GLIS3: variants seen among roughly 807,000 people sequenced by gnomAD.
GLIS3 encodes the protein zinc finger protein GLIS3.
GLIS3 carries 53 observed loss-of-function variants against 78.6 expected under a neutral mutation model. That is an observed-to-expected ratio of 0.67 (90% CI 0.54 to 0.85). GLIS3 has a LOEUF of 0.85. Ranked by LOEUF, GLIS3 falls within the 40% of genes least tolerant of loss-of-function variation. GLIS3 has a pLI of 0.00. For missense variants in GLIS3, 1,703 were observed against 1,231.1 expected (o/e 1.38, Z -5.74); for synonymous variants, 684 against 509.9 (o/e 1.34, Z -4.60).
intron 2 of GLIS3, among the ~76,000 whole-genome samples, chr9:4,270,415 G>C (rs910456493): frequency 6.6e-6 from 1 of 152,190 alleles, no homozygotes; most frequent in Non-Finnish European, 1.5e-5. Context: ...CATGGCTTAG[G>C]TGGGTCCTCT....
chr9:4,474,840 G>A, the GLIS3 span, among the ~76,000 whole-genome samples: 1 of 151,594 alleles, frequency 6.6e-6, no homozygotes, highest in South Asian at 2.1e-4. Context: ...GGGACTACAT[G>A]CACCTGCCAC....
chr9:4,076,251 T>C lies in GLIS3; in HGVS notation c.1710+41517A>G, dbSNP rs1447032510. ...CTATAATCTCCATGTGAAAAAAATA[T>C]TAAATTTTAAATGATTATAAATTTA... On this transcript the variant is annotated intron_variant, in intron 4 of 10. Coordinates refer to ENST00000381971, the MANE Select transcript of GLIS3 (RefSeq NM_001042413.2). Among the ~76,000 whole-genome samples, 3 of 152,228 alleles carry C rather than the reference T, an allele frequency of 2.0e-5. No individual in the cohort carries two copies. The East Asian group carries it at 5.8e-4, about 29-fold the overall frequency.
At chr9:4,154,185 C>A (rs1404537874) in intron 2 of GLIS3, among the ~76,000 whole-genome samples, 1 of 152,170 alleles carries the variant, frequency 6.6e-6, no homozygotes, top group East Asian at 1.9e-4. Context: ...AGCATCACTT[C>A]TACTGTATGT....
chr9:4,351,750 C>A (rs765744848), upstream of GLIS3, among the ~76,000 whole-genome samples: 1 of 152,100 alleles, frequency 6.6e-6, no homozygotes, highest in African/African-American at 2.4e-5. Context: ...TACTGATGGG[C>A]CTTAGATTTT....
At chr9:4,436,893 G>C in the GLIS3 span, among the ~76,000 whole-genome samples, 1 of 145,780 alleles carries the variant, frequency 6.9e-6, no homozygotes, top group African/African-American at 2.5e-5. Context: ...TTTAAGTTTT[G>C]TGATGTGTAA....
In GLIS3 at chr9:4,148,941, C is replaced by A. The variant is rs185495168; in HGVS notation, c.389-23000G>T. 3.8e-3 allele frequency among the ~76,000 whole-genome samples: 584 copies of A among 152,194 alleles called. 4 individuals carry two copies. The highest frequency in any genetic ancestry group is 0.014 in the African/African-American group (564 of 41,512). ...TGCACACAAAGCTCGTCCCTATCAACAGAACCTTTTCCAAACTGTTTGACT... is the reference window on the plus strand; with the variant it reads ...TGCACACAAAGCTCGTCCCTATCAAAAGAACCTTTTCCAAACTGTTTGACT... On this transcript the variant is annotated intron_variant, in intron 2 of 10. Transcript: ENST00000381971.
the GLIS3 span, among the ~76,000 whole-genome samples, chr9:4,364,756 C>CTTTTTT: frequency 0.21 from 12,784 of 61,008 alleles, 3,168 homozygotes; most frequent in Admixed American, 0.3. Context: ...TCATGTATTG[C>CTTTTTT]TTTTTTTTTT....
chr9:4,089,346 A>T (rs1829302139), intron 4 of GLIS3, among the ~76,000 whole-genome samples: 1 of 115,478 alleles, frequency 8.7e-6, no homozygotes, highest in South Asian at 2.2e-4. Context: ...AGTGGATAAC[A>T]TTTTTTTTTC....
intron 2 of GLIS3, among the ~76,000 whole-genome samples, chr9:4,184,528 T>C (rs1040773223): frequency 2.0e-5 from 3 of 152,198 alleles, no homozygotes; most frequent in Non-Finnish European, 2.9e-5. Flanking sequence ...CTCCGTCCCC[T>C]AATCCGGGAC....
At chr9:4,260,154 T>C (rs1196182501) in intron 2 of GLIS3, among the ~76,000 whole-genome samples, 5 of 152,184 alleles carry the variant, frequency 3.3e-5, no homozygotes, top group Admixed American at 2.0e-4. Flanking sequence ...AAGACTGACA[T>C]TGGGCCAGGC....
At chr9:4,460,151 C>T in the GLIS3 span, among the ~76,000 whole-genome samples, 1 of 151,780 alleles carries the variant, frequency 6.6e-6, no homozygotes, top group African/African-American at 2.4e-5. Flanking sequence ...GGTGGTGGAC[C>T]AGTCAACAGT....
At chr9:4,155,165 A>G (rs1834959606) in intron 2 of GLIS3, among the ~76,000 whole-genome samples, 1 of 152,230 alleles carries the variant, frequency 6.6e-6, no homozygotes, top group Non-Finnish European at 1.5e-5. Flanking sequence ...ATAAACATAC[A>G]TAATTTTTCT....
chr9:4,297,099 A>T (rs1816597427), intron 1 of GLIS3, among the ~76,000 whole-genome samples: 1 of 151,786 alleles, frequency 6.6e-6, no homozygotes, highest in South Asian at 2.1e-4. Flanking sequence ...GGTTTAAACC[A>T]ACACAAGTCG....
At chr9:4,334,485 A>C (rs943785165) in intron 2 of GLIS3, among the ~76,000 whole-genome samples, 7 of 152,208 alleles carry the variant, frequency 4.6e-5, no homozygotes, top group African/African-American at 1.4e-4. Context: ...CATGTTCATT[A>C]ATCAGCAAGT....
At chr9:4,462,639 GCACA>G in the GLIS3 span, among the ~76,000 whole-genome samples, 26 of 142,630 alleles carry the variant, frequency 1.8e-4, no homozygotes, top group African/African-American at 4.8e-4. Flanking sequence ...ACACAGACAC[GCACA>G]CACACACACA....
the GLIS3 span, among the ~76,000 whole-genome samples, chr9:4,354,880 G>T: frequency 6.6e-6 from 1 of 152,156 alleles, no homozygotes. Flanking sequence ...ACTTTGGGAG[G>T]CCGAGGTGGG....
the GLIS3 span, among the ~76,000 whole-genome samples, chr9:4,475,267 C>G: frequency 6.6e-6 from 1 of 152,150 alleles, no homozygotes; most frequent in African/African-American, 2.4e-5. Context: ...ATAAGATGGA[C>G]AACCTTATAG....
intron 4 of GLIS3, among the ~76,000 whole-genome samples, chr9:3,973,738 A>C (rs1251887129): frequency 1.3e-5 from 2 of 152,214 alleles, no homozygotes; most frequent in African/African-American, 4.8e-5. Context: ...TAAGACTATC[A>C]AAACCAGAAG....
intron 4 of GLIS3, among the ~76,000 whole-genome samples, chr9:3,958,032 A>G (rs1817266084): frequency 6.6e-6 from 1 of 152,238 alleles, no homozygotes; most frequent in South Asian, 2.1e-4. Context: ...CTAACTGGTA[A>G]TGGAAAGCTG....
Sources: gnomAD v4.1 joint callset for allele counts (sites outside exome capture counted in the v4.1 genomes callset) on GRCh38, gnomAD v4.1.1 for gene constraint, MANE v1.5 for transcripts, NCBI Gene and HGNC (gene_info 2026-07-23, HGNC 2026-07-21) for gene names.